Variants in SETX observed in about 807,000 individuals in gnomAD.
The protein encoded by SETX is senataxin.
In SETX, 90 loss-of-function variants were observed where a neutral mutation model predicts 227.2. That is an observed-to-expected ratio of 0.40 (90% CI 0.33 to 0.47). The LOEUF (loss-of-function observed/expected upper bound fraction) is 0.47. Among genes scored for constraint, SETX ranks in the 20% least tolerant of loss-of-function variants. The pLI is 0.91. For missense variants in SETX, 3,052 were observed against 3,181.5 expected (o/e 0.96, Z 0.98); for synonymous variants, 1,210 against 1,113.2 (o/e 1.09, Z -1.73).
intron 25 of SETX, among the ~76,000 whole-genome samples, chr9:132,267,665 G>A (rs1753460369): frequency 6.6e-6 from 1 of 152,264 alleles, no homozygotes; most frequent in Non-Finnish European, 1.5e-5. Context: ...CCTTCCTAGA[G>A]TGAAGACAAT....
At chr9:132,295,226 A>G (rs1844600259) in intron 15 of SETX, among the ~76,000 whole-genome samples, 1 of 152,136 alleles carries the variant, frequency 6.6e-6, no homozygotes, top group Non-Finnish European at 1.5e-5. Flanking sequence ...AGTGTATTTA[A>G]CATTTCTAAG....
chr9:132,301,133 C>G (rs1428797538), intron 11 of SETX, among the ~76,000 whole-genome samples: 2 of 138,180 alleles, frequency 1.4e-5, no homozygotes, highest in Non-Finnish European at 3.0e-5. Flanking sequence ...CGCTGTGTTG[C>G]CCAGGCTGGA....
In SETX at chr9:132,349,391, G is replaced by A. The variant is rs762432813; in HGVS notation, c.38C>T (p.Ser13Phe). The change falls in exon 3 of 26, where the codon TCC becomes TTC. Residue 13 changes from serine to phenylalanine, a missense_variant. Physicochemically the swap from Ser to Phe is radical, Grantham distance 155. This residue lies in a region of SETX where 152 missense variants were observed against 156.2 expected (regional missense o/e 0.97). Coordinates refer to ENST00000224140, the MANE Select transcript of SETX (RefSeq NM_015046.7). ...TCCWCTPGGA[S>F]TIDFLKRYAS... ...ATAGCGCTTTAGGAAGTCAATGGTG[G>A]AAGCACCACCTGGCGTACACCAACA... The A allele has an allele frequency of 1.9e-6, 3 of 1,614,162 alleles. No homozygotes were observed. Among genetic ancestry groups the A allele is most frequent in the Admixed American group, 1.7e-5 (1 of 60,004 alleles).
rs972321941 is a variant in SETX, at chr9:132,319,762, A to T, written c.5274+6562T>A. Among the ~76,000 whole-genome samples the T allele has an allele frequency of 5.3e-5, 8 of 152,324 alleles. No homozygotes were observed. The South Asian group carries it at 1.2e-3, about 24-fold the overall frequency. On this transcript the variant is annotated intron_variant, in intron 10 of 25. Transcript: ENST00000224140. ...AATTAGCCAAAGCATCCATAGCCAT[A>T]CCACCCTAAATTCACCCAATCTTGT...
At chr9:132,346,786 T>A (rs1361293106) in intron 3 of SETX, among the ~76,000 whole-genome samples, 3 of 143,752 alleles carry the variant, frequency 2.1e-5, no homozygotes, top group Non-Finnish European at 3.0e-5. Flanking sequence ...ACCCTGTCAC[T>A]AAAAAAAAAA....
Position 132,281,327 on chromosome 9 carries a change from G to C in SETX, c.6654+140C>G, listed in dbSNP as rs192335130. On this transcript the variant is annotated intron_variant, in intron 20 of 25. Transcript: ENST00000224140. ...TTAGGCATTTTTTAAAATTTATTAA[G>C]TGCTTCTCTTTTCTTAGTTACTGCT... 68 of 665,478 alleles carry C rather than the reference G, an allele frequency of 1.0e-4. 1 individual carries two copies. Among genetic ancestry groups the C allele is most frequent in the Admixed American group, 3.5e-4 (14 of 40,328 alleles). The allele number at this position is 665,478 out of a possible 1,614,324, so 41.2% of individuals were successfully genotyped here.
intron 10 of SETX, among the ~76,000 whole-genome samples, chr9:132,326,038 G>A (rs1445956489): frequency 4.0e-5 from 6 of 150,624 alleles, no homozygotes; most frequent in Admixed American, 1.3e-4. Context: ...TATCTAAATC[G>A]AAACGGTCAA....
chr9:132,330,522 G>C (rs750483884), intron 9 of SETX, 23 bp from the exon 10 acceptor site: 1 of 1,597,032 alleles, frequency 6.3e-7, no homozygotes, highest in South Asian at 1.1e-5. Context: ...AAATGCTGAT[G>C]TTCAGATAAA....
rs977679899 is a variant in SETX, at chr9:132,299,881, G to A, written c.5548+749C>T. Among the ~76,000 whole-genome samples the A allele has an allele frequency of 4.0e-5, 6 of 151,756 alleles. No homozygotes were observed. In the East Asian group the frequency reaches 1.2e-3, roughly 29 times the overall value. The stretch of plus-strand genomic sequence containing the variant: ...GTCTCGGCTGGGCGCGGTGGCTCAC[G>A]CCTGTAATCCCAGCACTTTGGGAGG... On this transcript the variant is annotated intron_variant, in intron 12 of 25. Coordinates refer to ENST00000224140, the MANE Select transcript of SETX (RefSeq NM_015046.7).
upstream of SETX, among the ~76,000 whole-genome samples, chr9:132,355,990 A>G (rs1219801506): frequency 1.2e-3 from 11 of 9,498 alleles, no homozygotes; most frequent in East Asian, 0.029. Flanking sequence ...CTCTCTCCGG[A>G]AAAAAAAAAA....
intron 5 of SETX, among the ~76,000 whole-genome samples, chr9:132,339,040 A>G (rs573787432): frequency 6.6e-6 from 1 of 152,300 alleles, no homozygotes; most frequent in South Asian, 2.1e-4. Context: ...TGGGCTTTCG[A>G]GCATGAGCGA....
At chr9:132,304,170 C>G (rs1208249165) in intron 11 of SETX, among the ~76,000 whole-genome samples, 1 of 152,100 alleles carries the variant, frequency 6.6e-6, no homozygotes, top group African/African-American at 2.4e-5. Context: ...AAGACGAGCT[C>G]AAGTGTGAAA....
intron 25 of SETX, among the ~76,000 whole-genome samples, chr9:132,266,551 C>G (rs1842660967): frequency 6.6e-6 from 1 of 152,124 alleles, no homozygotes; most frequent in Admixed American, 6.5e-5. Context: ...GCGGGCGGAT[C>G]ACCTGAGGTC....
Position 132,295,949 on chromosome 9 carries a change from T to C in SETX, c.6029A>G (p.Asn2010Ser), listed in dbSNP as rs759806045. 1.7e-5 allele frequency: 27 copies of C among 1,614,098 alleles called. No individual in the cohort carries two copies. The highest frequency in any genetic ancestry group is 6.7e-5 in the East Asian group (3 of 44,900). ...QNRVLVCAPS[N>S]AAVDELMKKI... Reference sequence around the variant, plus strand: ...TTTCATGAGTTCATCAACAGCTGCATTGGAAGGTGCACACACGAGGACACG... The same window carrying C: ...TTTCATGAGTTCATCAACAGCTGCACTGGAAGGTGCACACACGAGGACACG... The change falls in exon 15 of 26, where the codon AAT becomes AGT. Residue 2010 changes from asparagine to serine, a missense_variant. Asn to Ser is a conservative substitution (Grantham distance 46). This residue lies in a region of SETX where 412 missense variants were observed against 589.0 expected (regional missense o/e 0.70). Transcript: ENST00000224140.
chr9:132,268,766 C>T (rs1842763668), intron 25 of SETX, among the ~76,000 whole-genome samples: 1 of 152,098 alleles, frequency 6.6e-6, no homozygotes, highest in Admixed American at 6.6e-5. Flanking sequence ...AATATTTAAA[C>T]TTACAAAGAT....
chr9:132,310,720 T>C (rs146749579), intron 11 of SETX, among the ~76,000 whole-genome samples: 1 of 152,328 alleles, frequency 6.6e-6, no homozygotes, highest in East Asian at 1.9e-4. Flanking sequence ...GAGTTTGAAG[T>C]GCACAGGTCC....
intron 25 of SETX, chr9:132,269,258 G>T: frequency 2.1e-6 from 1 of 466,432 alleles, no homozygotes. Context: ...AACTCTCTCT[G>T]GCATTAAGCT....
intron 4 of SETX, 46 bp downstream of exon 4, chr9:132,346,215 A>G: frequency 6.7e-7 from 1 of 1,486,098 alleles, no homozygotes; most frequent in Non-Finnish European, 9.4e-7. Flanking sequence ...TTATGGTACT[A>G]AAATAATAAA....
Position 132,349,125 on chromosome 9 carries a change from A to G in SETX, c.177+127T>C. ...TAACAACAACAAAAACAAAACAAAA[A>G]CAAAAAAAAAAACCCACAAAGTTGA... is the stretch of plus-strand genomic sequence containing the variant. On this transcript the variant is annotated intron_variant, in intron 3 of 25. Coordinates refer to ENST00000224140, the MANE Select transcript of SETX (RefSeq NM_015046.7). 7 of 960,776 alleles carry G rather than the reference A, an allele frequency of 7.3e-6. No homozygotes were observed. The South Asian group carries it at 8.9e-5, about 12-fold the overall frequency. The allele number at this position is 960,776 out of a possible 1,614,324, so 59.5% of individuals were successfully genotyped here. A position where few individuals can be genotyped will look rare whatever the true frequency, so the allele number is the denominator to read the frequency against.
Sources: allele counts gnomAD v4.1 joint callset (sites outside exome capture counted in the v4.1 genomes callset), GRCh38; gene constraint gnomAD v4.1.1; regional missense constraint gnomAD v4.1.1; transcripts MANE v1.5; gene names NCBI Gene and HGNC (gene_info 2026-07-23, HGNC 2026-07-21).